The following ATAD5 variants were observed in gnomAD, a reference collection of about 807,000 sequenced individuals.
ATAD5 encodes ATPase family AAA domain-containing protein 5.
A neutral mutation model predicts 176.9 loss-of-function variants in ATAD5; 58 were observed. The observed-to-expected ratio is 0.33, with a 90% CI of 0.27 to 0.41. The LOEUF is 0.41. Among genes scored for constraint, ATAD5 ranks in the 10% least tolerant of loss-of-function variants. The pLI, the probability that ATAD5 is intolerant of heterozygous loss-of-function variation, is 1.00. For synonymous variants in ATAD5, 640 were observed against 712.6 expected, an observed-to-expected ratio of 0.90 and a Z score of 1.62; for missense variants, 1,789 against 2,094.1, an observed-to-expected ratio of 0.85 and a Z score of 2.84.
intron 19 of ATAD5, among the ~76,000 whole-genome samples, chr17:30,892,207 T>C (rs1283416302): frequency 6.6e-6 from 1 of 151,408 alleles, no homozygotes; most frequent in East Asian, 2.0e-4. Flanking sequence ...GGTGGATCAC[T>C]CGAGGTCAAG....
intron 14 of ATAD5, among the ~76,000 whole-genome samples, chr17:30,874,588 T>G (rs1283821189): frequency 2.7e-5 from 4 of 149,088 alleles, no homozygotes; most frequent in African/African-American, 9.9e-5. Context: ...GTGTTTTTTA[T>G]AAATTGATAT....
intron 14 of ATAD5, among the ~76,000 whole-genome samples, chr17:30,871,432 C>T (rs1258185150): frequency 6.6e-6 from 1 of 151,720 alleles, no homozygotes; most frequent in Non-Finnish European, 1.5e-5. Flanking sequence ...GCTGCAACCT[C>T]CACCTCCCAG....
chr17:30,887,183 GTT>G lies in ATAD5; in HGVS notation c.4078-6_4078-5del. On this transcript the variant is annotated splice_polypyrimidine_tract_variant and splice_region_variant and intron_variant, in intron 18 of 22. Coordinates refer to ENST00000321990, the MANE Select transcript of ATAD5 (RefSeq NM_024857.5). ...AGCAGTTAACCACATTTCTCTCTCT[GTT>G]TTGAAGCTAAATGTTGCCAGCTACC... The G allele has an allele frequency of 2.6e-6, 4 of 1,568,584 alleles. No individual in the cohort carries two copies. Among genetic ancestry groups the G allele is most frequent in the Non-Finnish European group, 3.4e-6 (4 of 1,161,258 alleles).
At chr17:30,840,364 T>C (rs547258068) in intron 3 of ATAD5, among the ~76,000 whole-genome samples, 1 of 152,160 alleles carries the variant, frequency 6.6e-6, no homozygotes, top group East Asian at 1.9e-4. Context: ...AAAAATAGAT[T>C]GCCAAGTCTA....
chr17:30,884,948 T>C (rs9897407), intron 18 of ATAD5, among the ~76,000 whole-genome samples: 19,972 of 151,658 alleles, frequency 0.13, 1,468 homozygotes, highest in South Asian at 0.24. Flanking sequence ...GGGGTTTCAC[T>C]GTGTTAGCCA....
chr17:30,890,878 A>G (rs975051923), intron 19 of ATAD5, among the ~76,000 whole-genome samples: 2 of 149,934 alleles, frequency 1.3e-5, no homozygotes, highest in African/African-American at 5.0e-5. Context: ...TTATTTAGCA[A>G]AATTAACCAG....
At chr17:30,887,107 C>G in intron 18 of ATAD5, 85 bp from the exon 19 acceptor site, 1 of 1,223,026 alleles carries the variant, frequency 8.2e-7, no homozygotes, top group Non-Finnish European at 1.1e-6. Flanking sequence ...CAAAATTTGT[C>G]TCACTTTTAG....
At chr17:30,874,409 C>T (rs1908529653) in intron 14 of ATAD5, among the ~76,000 whole-genome samples, 3 of 143,016 alleles carry the variant, frequency 2.1e-5, no homozygotes, top group Non-Finnish European at 4.6e-5. Flanking sequence ...GGCATGGTGG[C>T]GTGTGCTTGT....
chr17:30,837,062 G>A, intron 2 of ATAD5, 144 bp from the exon 3 acceptor site: 1 of 515,698 alleles, frequency 1.9e-6, no homozygotes. Flanking sequence ...CTGGGGTCAA[G>A]CAATCCTTCC....
At position 30,894,687 on chromosome 17, in the gene ATAD5, TGAG is replaced by T; in HGVS notation, c.5422_5424del (p.Glu1808del). The stretch of plus-strand genomic sequence containing the variant: ...CAACCCTTCGAAACATCTGTAAGAC[TGAG>T]AAGCTAAAAGAACAAGGAAAAAGTA... On this transcript the variant is annotated inframe_deletion, in exon 22 of 23. Transcript: ENST00000321990. The T allele has an allele frequency of 6.2e-7, 1 of 1,611,434 alleles. No individual in the cohort carries two copies. The highest frequency in any genetic ancestry group is 8.5e-7 in the Non-Finnish European group (1 of 1,179,082).
intron 19 of ATAD5, among the ~76,000 whole-genome samples, chr17:30,888,143 T>A (rs1266390374): frequency 1.3e-5 from 2 of 151,696 alleles, no homozygotes; most frequent in African/African-American, 2.4e-5. Flanking sequence ...CAAAAAAAAA[T>A]TTTTTTTAAT....
chr17:30,869,955 A>C (rs1287425986), intron 14 of ATAD5: 5 of 213,684 alleles, frequency 2.3e-5, no homozygotes, highest in Non-Finnish European at 3.6e-5. Context: ...ACAAATAATA[A>C]AAAAAAAAAG....
In ATAD5 at chr17:30,858,270, T is replaced by TA; in HGVS notation, c.2910dup (p.Gln971ThrfsTer3). On this transcript the variant is annotated frameshift_variant, in exon 9 of 23. Transcript: ENST00000321990. LOFTEE classifies it high-confidence loss of function. Reference sequence around the variant, plus strand: ...TTGAAAAAATATTTTCCCTTACTCCTAAAAAAACAAATTGAGCACCAAGTA... The same window carrying TA: ...TTGAAAAAATATTTTCCCTTACTCCTAAAAAAAACAAATTGAGCACCAAGTA... The TA allele has an allele frequency of 3.1e-6, 5 of 1,588,886 alleles. No homozygotes were observed. Among genetic ancestry groups the TA allele is most frequent in the South Asian group, 2.3e-5 (2 of 85,828 alleles).
rs1017087576 is a variant in ATAD5 at position 30,846,593 on chromosome 17, G to A, written c.2450+1677G>A. Among the ~76,000 whole-genome samples the A allele has an allele frequency of 7.0e-4, 107 of 151,940 alleles. 1 individual carries two copies. Among genetic ancestry groups the A allele is most frequent in the Non-Finnish European group, 1.8e-4 (12 of 67,928 alleles). ...AATTTTTGTATTTTTAGTAGAGATG[G>A]GGTTTCACCATGTTGGCCAGGATTG... On this transcript the variant is annotated intron_variant, in intron 6 of 22. Transcript: ENST00000321990.
chr17:30,832,406 A>G lies in ATAD5; in HGVS notation c.59A>G (p.Glu20Gly). The part of the protein sequence containing the change: ...AAAPPPVKDC[E>G]IEPCKKRKKD... ...GCTCCGCCTCCCGTGAAGGACTGCG[A>G]GATTGAGGTGAGGTTGAGTCGAGGA... is the stretch of plus-strand genomic sequence containing the variant. Residue 20 changes from glutamate (E) to glycine (G), a missense_variant, in exon 1 of 23, where the codon GAG becomes GGG. Physicochemically the swap from Glu to Gly is moderately conservative, Grantham distance 98. Transcript: ENST00000321990. The G allele has an allele frequency of 6.4e-7, 1 of 1,562,918 alleles. No individual in the cohort carries two copies. The highest frequency in any genetic ancestry group is 8.7e-7 in the Non-Finnish European group (1 of 1,153,490).
At chr17:30,849,228 A>G (rs1207066491) in intron 6 of ATAD5, among the ~76,000 whole-genome samples, 1 of 152,128 alleles carries the variant, frequency 6.6e-6, no homozygotes, top group Non-Finnish European at 1.5e-5. Flanking sequence ...CTCTCCATAC[A>G]CCTATTAATG....
At chr17:30,865,683 T>A in intron 10 of ATAD5, 21 bp from the exon 11 acceptor site, 3 of 300,502 alleles carry the variant, frequency 1.0e-5, no homozygotes, top group Non-Finnish European at 1.1e-5. Flanking sequence ...AATACCTTAA[T>A]TTTTTTTTTT....
intron 12 of ATAD5, 24 bp downstream of exon 12, chr17:30,868,436 T>C (rs1425231404): frequency 1.7e-5 from 25 of 1,465,648 alleles, no homozygotes; most frequent in Non-Finnish European, 2.3e-5. Flanking sequence ...CTTTTTTTTT[T>C]TTTTTACCAT....
chr17:30,843,229 G>T (rs946559109), intron 4 of ATAD5, among the ~76,000 whole-genome samples: 1 of 151,826 alleles, frequency 6.6e-6, no homozygotes, highest in African/African-American at 2.4e-5. Context: ...GTGTGCGCCT[G>T]TAGTCCTGGC....
Sources: allele counts gnomAD v4.1 joint callset (sites outside exome capture counted in the v4.1 genomes callset), GRCh38; gene constraint gnomAD v4.1.1; transcripts MANE v1.5; gene names NCBI Gene and HGNC (gene_info 2026-07-23, HGNC 2026-07-21).